Variants in MED1 observed in about 807,000 individuals in gnomAD.
MED1 encodes the protein mediator of RNA polymerase II transcription subunit 1.
In MED1, 17 loss-of-function variants were observed where a neutral mutation model predicts 121.3. The observed-to-expected ratio is 0.14, with a 90% CI of 0.10 to 0.21. MED1 has a LOEUF of 0.21. Ranked by LOEUF, MED1 falls within the 10% of genes least tolerant of loss-of-function variation. The probability of loss-of-function intolerance (pLI) is 1.00; values close to 1 mark genes in which losing one functional copy is unlikely to be tolerated. For missense variants in MED1, 1,558 were observed against 1,919.4 expected, an observed-to-expected ratio of 0.81 and a Z score of 3.52; for synonymous variants, 661 against 694.4, an observed-to-expected ratio of 0.95 and a Z score of 0.76.
chr17:39,419,589 A>T, intron 14 of MED1, 128 bp downstream of exon 14: 1 of 866,168 alleles, frequency 1.2e-6, no homozygotes, highest in Non-Finnish European at 1.7e-6. Flanking sequence ...CTTGATTTTT[A>T]TGCCAAATAT....
Position 39,409,709 on chromosome 17 carries a change from G to C in MED1, c.2512C>G (p.Pro838Ala). The C allele has an allele frequency of 6.2e-7, 1 of 1,612,412 alleles. No homozygotes were observed. Among genetic ancestry groups the C allele is most frequent in the Non-Finnish European group, 8.5e-7 (1 of 1,178,352 alleles). Reference protein sequence around the residue: ...TNNNENPYTDPADLIADAAGS... With the variant: ...TNNNENPYTDAADLIADAAGS... ...GCAGCATCTGCAATAAGATCAGCTG[G>C]ATCAGTGTATGGATTTTCATTATTG... The change falls in exon 17 of 17, where the codon CCA becomes GCA. Residue 838 changes from proline (P) to alanine (A), a missense_variant. Transcript: ENST00000300651.
intron 2 of MED1, 25 bp from the exon 3 acceptor site, chr17:39,443,653 AG>A: frequency 1.3e-6 from 2 of 1,591,526 alleles, no homozygotes. Context: ...AAAACATTTG[AG>A]GTGAAAATTA....
chr17:39,418,304 C>CT (rs2048429405), intron 14 of MED1, among the ~76,000 whole-genome samples: 1 of 151,922 alleles, frequency 6.6e-6, no homozygotes, highest in Non-Finnish European at 1.5e-5. Context: ...CTTGGGAGGC[C>CT]TAGTCAAGAG....
At position 39,407,552 on chromosome 17, in the gene MED1, G is replaced by T; in HGVS notation, c.4669C>A (p.Pro1557Thr). 6.2e-7 allele frequency: 1 copy of T among 1,614,100 alleles called. No homozygotes were observed. The change falls in exon 17 of 17, where the codon CCC becomes ACC. Residue 1557 changes from proline to threonine, a missense_variant. Physicochemically the swap from Pro to Thr is conservative, Grantham distance 38. Transcript: ENST00000300651. Reference protein sequence around the residue: ...TSNTILSADRPSRLSPDFMIG... With the variant: ...TSNTILSADRTSRLSPDFMIG... ...ATAAAGTCTGGGCTGAGCCTTGAGGGTCTGTCTGCAGATAAGATTGTGTTA... is the reference window on the plus strand; with the variant it reads ...ATAAAGTCTGGGCTGAGCCTTGAGGTTCTGTCTGCAGATAAGATTGTGTTA...
chr17:39,449,505 A>AT (rs1267975182), intron 1 of MED1, among the ~76,000 whole-genome samples: 1 of 128,454 alleles, frequency 7.8e-6, no homozygotes. Flanking sequence ...TTTATTTTCA[A>AT]TTTTTTTTCT....
intron 16 of MED1, among the ~76,000 whole-genome samples, chr17:39,411,095 T>C (rs997427690): frequency 2.6e-5 from 4 of 151,984 alleles, no homozygotes; most frequent in Non-Finnish European, 5.9e-5. Context: ...CCAAGGCGGC[T>C]GGAACATGAG....
rs557347987 is a variant in MED1 at position 39,436,134 on chromosome 17, G to A, written c.429-1814C>T. On this transcript the variant is annotated intron_variant, in intron 6 of 16. Transcript: ENST00000300651. ...TCCCAGCACTTTGGGAGGCCGAGGC[G>A]GGCAGATCACGAGGTCAGGAGATCG... Among the ~76,000 whole-genome samples, 115 of 151,870 alleles carry A rather than the reference G, an allele frequency of 7.6e-4. 1 individual carries two copies. Among genetic ancestry groups the A allele is most frequent in the African/African-American group, 2.5e-3 (105 of 41,426 alleles).
In MED1 at chr17:39,440,409, C is replaced by A. The variant is rs1304125421; in HGVS notation, c.376G>T (p.Ala126Ser). ...ACCACAGGATTCTCCCCATGGTGAGCCACTTTTACATCACAAAGCTGTCCT... is the reference window on the plus strand; with the variant it reads ...ACCACAGGATTCTCCCCATGGTGAGACACTTTTACATCACAAAGCTGTCCT... ...PAGQLCDVKVAHHGENPVSCP... is the reference protein window; with the variant it reads ...PAGQLCDVKVSHHGENPVSCP... Residue 126 changes from alanine to serine, a missense_variant, in exon 5 of 17, where the codon GCT (alanine) becomes TCT (serine). Physicochemically the swap from Ala to Ser is moderately conservative, Grantham distance 99. Transcript: ENST00000300651. This position sits in a 1 kb window ranked among gnomAD's most constrained non-coding sequence, Gnocchi z 4.1. 6.4e-7 allele frequency: 1 copy of A among 1,573,206 alleles called. No individual in the cohort carries two copies. The highest frequency in any genetic ancestry group is 8.6e-7 in the Non-Finnish European group (1 of 1,167,338).
chr17:39,445,965 G>A (rs938391579), intron 2 of MED1, among the ~76,000 whole-genome samples: 1 of 150,698 alleles, frequency 6.6e-6, no homozygotes. Flanking sequence ...GGAGGCGGAG[G>A]ATGCAGTGAG....
In MED1 at chr17:39,437,398, G is replaced by C. The variant is rs1336483882; in HGVS notation, c.428+1767C>G. Among the ~76,000 whole-genome samples, 3 of 152,230 alleles carry C rather than the reference G, an allele frequency of 2.0e-5. No individual in the cohort carries two copies. In the East Asian group the frequency reaches 5.8e-4, roughly 29 times the overall value. The stretch of plus-strand genomic sequence containing the variant: ...CAGCTATATGAAATTCCTAAACCTA[G>C]ATCACCAATTCCCAACCAGGGGTGA... On this transcript the variant is annotated intron_variant, in intron 6 of 16. Transcript: ENST00000300651.
chr17:39,411,573 G>A (rs934752937), intron 16 of MED1, among the ~76,000 whole-genome samples: 4 of 152,182 alleles, frequency 2.6e-5, no homozygotes, highest in African/African-American at 4.8e-5. Context: ...AGCGAGCCAA[G>A]ATCGTCCCAT....
At chr17:39,414,958 G>T in intron 16 of MED1, 68 bp downstream of exon 16, 1 of 1,410,686 alleles carries the variant, frequency 7.1e-7, no homozygotes, top group Non-Finnish European at 1.0e-6. Context: ...GTGAGCCACC[G>T]CGCCCTACTC....
Position 39,434,260 on chromosome 17 carries a change from A to G in MED1, c.489T>C (p.Leu163=). Residue 163 remains leucine (L), a synonymous_variant, in exon 7 of 17, where the codon CTT becomes CTC. Coordinates refer to ENST00000300651, the MANE Select transcript of MED1 (RefSeq NM_004774.4). ...TTAAAAATACTTACTTGTCCCCTGGAAGGTTATACAGATTAACAAGGCCCT... is the reference window on the plus strand; with the variant it reads ...TTAAAAATACTTACTTGTCCCCTGGGAGGTTATACAGATTAACAAGGCCCT... ...HLKGLVNLYN[L]PGDNKLKTKM... The G allele has an allele frequency of 6.4e-7, 1 of 1,553,714 alleles. No individual in the cohort carries two copies. The highest frequency in any genetic ancestry group is 1.4e-5 in the African/African-American group (1 of 71,282).
At chr17:39,413,016 A>C (rs1213551346) in intron 16 of MED1, among the ~76,000 whole-genome samples, 1 of 152,140 alleles carries the variant, frequency 6.6e-6, no homozygotes, top group Non-Finnish European at 1.5e-5. Flanking sequence ...AATCTCAAAA[A>C]ATTACATATT....
chr17:39,408,129 CTTTGA>C lies in MED1; in HGVS notation c.4087_4091del (p.Ser1363GlyfsTer12). 1 of 1,614,094 alleles carries C rather than the reference CTTTGA, an allele frequency of 6.2e-7. No homozygotes were observed. The highest frequency in any genetic ancestry group is 8.5e-7 in the Non-Finnish European group (1 of 1,180,042). ...CCACTGAACTCCCGGAGGTGGAAACCTTTGATTTGTCTTTATCACTTTTCTCACGC... is the reference window on the plus strand; with the variant it reads ...CCACTGAACTCCCGGAGGTGGAAACCTTTGTCTTTATCACTTTTCTCACGC... On this transcript the variant is annotated frameshift_variant, in exon 17 of 17. Coordinates refer to ENST00000300651, the MANE Select transcript of MED1 (RefSeq NM_004774.4). LOFTEE classifies it high-confidence loss of function. This position sits in a 1 kb window ranked among gnomAD's most constrained non-coding sequence, Gnocchi z 4.7.
At chr17:39,445,000 A>T (rs990363064) in intron 2 of MED1, among the ~76,000 whole-genome samples, 1 of 152,224 alleles carries the variant, frequency 6.6e-6, no homozygotes, top group African/African-American at 2.4e-5. Context: ...GTATAAGGAT[A>T]GTTTTCCAGG....
Position 39,405,370 on chromosome 17 carries a change from C to A in MED1, c.*2105G>T. On this transcript the variant is annotated 3_prime_UTR_variant, in exon 17 of 17. Coordinates refer to ENST00000300651, the MANE Select transcript of MED1 (RefSeq NM_004774.4). ...TTTACTCATTTTGGTATTTGTTGGC[C>A]CTGCATGGGGGAGCTGAGCCCATGA... 1 of 1,565,782 alleles carries A rather than the reference C, an allele frequency of 6.4e-7. No homozygotes were observed. The highest frequency in any genetic ancestry group is 8.7e-7 in the Non-Finnish European group (1 of 1,154,840).
At chr17:39,439,089 T>A (rs1203884458) in intron 6 of MED1, 76 bp downstream of exon 6, 3 of 1,309,338 alleles carry the variant, frequency 2.3e-6, no homozygotes, top group East Asian at 4.8e-5. Context: ...GAATAACTTC[T>A]GACCAGTCTT....
chr17:39,439,022 G>C, intron 6 of MED1, 143 bp downstream of exon 6: 1 of 701,766 alleles, frequency 1.4e-6, no homozygotes, highest in Non-Finnish European at 2.4e-6. Flanking sequence ...TTCAGGACGT[G>C]ATTAAGTATA....
Sources: gnomAD v4.1 joint callset for allele counts (sites outside exome capture counted in the v4.1 genomes callset) on GRCh38, gnomAD v4.1.1 for gene constraint, Gnocchi (gnomAD v3.1) non-coding constraint, MANE v1.5 for transcripts, NCBI Gene and HGNC (gene_info 2026-07-23, HGNC 2026-07-21) for gene names.